The following GPR158 variants were observed in gnomAD, a reference collection of about 807,000 sequenced individuals.
The protein encoded by GPR158 is metabotropic glycine receptor.
A neutral mutation model predicts 78.2 loss-of-function variants in GPR158; 30 were observed. That is an observed-to-expected ratio of 0.38 (90% confidence interval 0.29 to 0.52). The LOEUF is 0.52. Ranked by LOEUF, GPR158 falls within the 20% of genes least tolerant of loss-of-function variation. The pLI, the probability that GPR158 is intolerant of heterozygous loss-of-function variation, is 0.83. For missense variants in GPR158, 1,463 were observed against 1,523.5 expected (o/e 0.96, Z 0.66); for synonymous variants, 581 against 591.1 (o/e 0.98, Z 0.25).
chr10:25,355,732 T>G (rs1855541751), intron 2 of GPR158, among the ~76,000 whole-genome samples: 1 of 152,136 alleles, frequency 6.6e-6, no homozygotes, highest in Admixed American at 6.5e-5. Context: ...TACTGTAATC[T>G]TTTGGCACAT....
At chr10:25,334,675 TTTA>T (rs1855173690) in intron 2 of GPR158, among the ~76,000 whole-genome samples, 4 of 152,076 alleles carry the variant, frequency 2.6e-5, no homozygotes, top group African/African-American at 4.8e-5. Context: ...ACTTCAGGCA[TTTA>T]ATGTCTATGT....
At chr10:25,402,093 T>G (rs1203858048) in intron 3 of GPR158, among the ~76,000 whole-genome samples, 2 of 152,076 alleles carry the variant, frequency 1.3e-5, no homozygotes, top group Non-Finnish European at 2.9e-5. Context: ...CATCATCAAT[T>G]ATTGGGACAA....
intron 2 of GPR158, among the ~76,000 whole-genome samples, chr10:25,339,431 CAT>C (rs570665486): frequency 8.5e-5 from 13 of 152,156 alleles, no homozygotes; most frequent in Admixed American, 4.6e-4. Flanking sequence ...TCTATTTGCA[CAT>C]GTTTGTCATC....
Position 25,175,884 on chromosome 10 carries a change from A to T in GPR158, c.464A>T (p.Asp155Val). ...SREQNLQDDL[D>V]WYQALVWSLL... is the part of the protein sequence containing the mutation. Reference sequence around the variant, plus strand: ...GAGCAGAACTTGCAGGACGACCTGGATTGGTACCAGGCGCTGGTGTGGAGC... The same window carrying T: ...GAGCAGAACTTGCAGGACGACCTGGTTTGGTACCAGGCGCTGGTGTGGAGC... Residue 155 changes from aspartate to valine, a missense_variant, in exon 1 of 11, where the codon GAT becomes GTT. Coordinates refer to ENST00000376351, the MANE Select transcript of GPR158 (RefSeq NM_020752.3). The surrounding 1 kb of genome is among the most constrained non-coding windows in gnomAD (Gnocchi z 6.4). 2 of 1,613,812 alleles carry T rather than the reference A, an allele frequency of 1.2e-6. No homozygotes were observed. Among genetic ancestry groups the T allele is most frequent in the Non-Finnish European group, 1.7e-6 (2 of 1,179,976 alleles).
chr10:25,457,498 A>G (rs1835307060), intron 4 of GPR158, among the ~76,000 whole-genome samples: 1 of 151,998 alleles, frequency 6.6e-6, no homozygotes, highest in African/African-American at 2.4e-5. Flanking sequence ...TCTATGTAGT[A>G]GTATTGGAAG....
At chr10:25,415,316 A>G (rs551577145) in intron 4 of GPR158, among the ~76,000 whole-genome samples, 33 of 152,174 alleles carry the variant, frequency 2.2e-4, no homozygotes, top group South Asian at 4.1e-4. Flanking sequence ...ATAACTAATC[A>G]ATAAAAAGAT....
chr10:25,386,757 T>G (rs1785486479), intron 2 of GPR158, among the ~76,000 whole-genome samples: 1 of 152,124 alleles, frequency 6.6e-6, no homozygotes, highest in South Asian at 2.1e-4. Flanking sequence ...TAAACTTACT[T>G]TTGGATTATT....
chr10:25,286,655 T>C (rs1854355453), intron 2 of GPR158, among the ~76,000 whole-genome samples: 1 of 152,096 alleles, frequency 6.6e-6, no homozygotes, highest in Non-Finnish European at 1.5e-5. Context: ...AGTTTATGCA[T>C]TTGGTGTAGG....
chr10:25,510,330 A>G (rs1836068707), intron 5 of GPR158, among the ~76,000 whole-genome samples: 1 of 152,238 alleles, frequency 6.6e-6, no homozygotes, highest in African/African-American at 2.4e-5. Context: ...TATATACTAT[A>G]TAGCTAATAA....
intron 2 of GPR158, among the ~76,000 whole-genome samples, chr10:25,298,551 G>T (rs1769129422): frequency 6.6e-6 from 1 of 152,088 alleles, no homozygotes; most frequent in South Asian, 2.1e-4. Flanking sequence ...GTTCTCTTAA[G>T]CAGCTTAAGG....
At chr10:25,343,128 C>G (rs1220391512) in intron 2 of GPR158, among the ~76,000 whole-genome samples, 1 of 151,842 alleles carries the variant, frequency 6.6e-6, no homozygotes, top group African/African-American at 2.4e-5. Flanking sequence ...TCTTATAGCC[C>G]CTTTTAATCT....
Position 25,601,373 on chromosome 10 carries a change from C to G in GPR158, c.*2099C>G, listed in dbSNP as rs1264684015. On this transcript the variant is annotated 3_prime_UTR_variant, in exon 11 of 11. Transcript: ENST00000376351. The stretch of plus-strand genomic sequence containing the variant: ...TTATCTCTTCCTTTTCAATGAAGGC[C>G]TATATGCTTGGTGACCTCCTTTAAG... 6.6e-6 allele frequency: 1 copy of G among 152,522 alleles called. No homozygotes were observed. The highest frequency in any genetic ancestry group is 1.5e-5 in the Non-Finnish European group (1 of 68,034). 9.4% of individuals were successfully genotyped at this position (152,522 alleles called of 1,614,324 possible).
chr10:25,416,632 T>A (rs1481230347), intron 4 of GPR158, among the ~76,000 whole-genome samples: 1 of 152,152 alleles, frequency 6.6e-6, no homozygotes, highest in African/African-American at 2.4e-5. Context: ...AATAAAAAGT[T>A]GTAATATAGG....
intron 2 of GPR158, among the ~76,000 whole-genome samples, chr10:25,342,736 G>A (rs1274524621): frequency 6.7e-6 from 1 of 149,680 alleles, no homozygotes; most frequent in Non-Finnish European, 1.5e-5. Flanking sequence ...CTCAGGCTTT[G>A]ATACATATCA....
At chr10:25,524,712 T>C (rs1235205351) in intron 5 of GPR158, among the ~76,000 whole-genome samples, 2 of 152,220 alleles carry the variant, frequency 1.3e-5, no homozygotes, top group Non-Finnish European at 2.9e-5. Context: ...TAAATTTTTA[T>C]GACCTTGGGG....
chr10:25,228,487 C>T (rs1314693438), intron 2 of GPR158, among the ~76,000 whole-genome samples: 1 of 152,050 alleles, frequency 6.6e-6, no homozygotes, highest in African/African-American at 2.4e-5. Flanking sequence ...AAAATGAATA[C>T]TGTTCATTCC....
chr10:25,527,041 AAG>A (rs1836357087), intron 5 of GPR158, among the ~76,000 whole-genome samples: 1 of 151,820 alleles, frequency 6.6e-6, no homozygotes, highest in African/African-American at 2.4e-5. Flanking sequence ...CACAGAAAAA[AAG>A]AGGGACATGT....
Position 25,478,461 on chromosome 10 carries a change from TATAGAA to T in GPR158, c.1404+11754_1404+11759del, listed in dbSNP as rs530207211. On this transcript the variant is annotated intron_variant, in intron 5 of 10. Transcript: ENST00000376351. ...TATATGAGACAGATGTGTAGATACA[TATAGAA>T]ATAGAAATAGATGAAATATATAATG... 8.8e-4 allele frequency among the ~76,000 whole-genome samples: 133 copies of T among 151,772 alleles called. 3 individuals carry two copies. In the South Asian group the frequency reaches 0.023, roughly 26 times the overall value.
At chr10:25,523,349 G>A (rs74124058) in intron 5 of GPR158, among the ~76,000 whole-genome samples, 2,832 of 152,314 alleles carry the variant, frequency 0.019, 90 homozygotes, top group African/African-American at 0.064. Context: ...GGCTTGGATG[G>A]AGACAGCTCT....
Sources: gnomAD v4.1 joint callset for allele counts (sites outside exome capture counted in the v4.1 genomes callset) on GRCh38, gnomAD v4.1.1 for gene constraint, Gnocchi (gnomAD v3.1) non-coding constraint, MANE v1.5 for transcripts, NCBI Gene and HGNC (gene_info 2026-07-23, HGNC 2026-07-21) for gene names.